Variants in DCDC2C observed in about 807,000 individuals in gnomAD.
DCDC2C encodes the protein doublecortin domain-containing protein 2C.
In DCDC2C, 44 loss-of-function variants were observed where a neutral mutation model predicts 45.0. The observed-to-expected ratio is 0.98, with a 90% CI of 0.77 to 1.26. DCDC2C has a LOEUF of 1.26. Among genes scored for constraint, DCDC2C ranks in the 50% most tolerant of loss-of-function variants. DCDC2C has a pLI of 0.00. For missense variants in DCDC2C, 447 were observed against 468.9 expected (o/e 0.95, Z 0.43); for synonymous variants, 187 against 178.8 (o/e 1.05, Z -0.37).
At chr2:3,782,967 A>G (rs146337584) in intron 9 of DCDC2C, among the ~76,000 whole-genome samples, 3 of 152,356 alleles carry the variant, frequency 2.0e-5, no homozygotes, top group Non-Finnish European at 4.4e-5. Context: ...ATGTATCCAC[A>G]GGCCACGTGC....
intron 10 of DCDC2C, among the ~76,000 whole-genome samples, chr2:3,785,918 G>T (rs1670639850): frequency 6.6e-6 from 1 of 152,164 alleles, no homozygotes; most frequent in Non-Finnish European, 1.5e-5. Context: ...TGCCGGATGT[G>T]TGGCTTCGGG....
chr2:3,773,105 A>C (rs1670226653), intron 8 of DCDC2C, among the ~76,000 whole-genome samples: 1 of 152,132 alleles, frequency 6.6e-6, no homozygotes, highest in Admixed American at 6.5e-5. Flanking sequence ...AATAGGACGG[A>C]AGGCTTAGCT....
chr2:3,823,684 G>GT (rs570069732), intron 10 of DCDC2C, among the ~76,000 whole-genome samples: 9 of 151,994 alleles, frequency 5.9e-5, no homozygotes, highest in South Asian at 2.1e-4. Context: ...TGTGTTGATA[G>GT]TTTTTTTTCT....
chr2:3,705,690 A>G (rs1465821665), intron 1 of DCDC2C, among the ~76,000 whole-genome samples: 1 of 152,178 alleles, frequency 6.6e-6, no homozygotes, highest in Non-Finnish European at 1.5e-5. Flanking sequence ...GTGGGGCTGG[A>G]TATTTTCTAA....
chr2:3,758,117 G>T (rs1035133733), intron 6 of DCDC2C, among the ~76,000 whole-genome samples: 14 of 152,226 alleles, frequency 9.2e-5, no homozygotes, highest in South Asian at 4.1e-4. Flanking sequence ...GACAGAGAAG[G>T]GCTGGTCCTG....
intron 3 of DCDC2C, among the ~76,000 whole-genome samples, chr2:3,730,003 C>T (rs1668816129): frequency 6.6e-6 from 1 of 152,186 alleles, no homozygotes; most frequent in East Asian, 1.9e-4. Context: ...AGAACAACCA[C>T]CACCTGTCAT....
At chr2:3,770,950 T>A (rs2148157444) in intron 8 of DCDC2C, among the ~76,000 whole-genome samples, 1 of 152,322 alleles carries the variant, frequency 6.6e-6, no homozygotes, top group East Asian at 1.9e-4. Context: ...AGGAGGGGCT[T>A]CCAGAAAGCG....
chr2:3,817,958 G>T (rs1245788744), intron 10 of DCDC2C, among the ~76,000 whole-genome samples: 1 of 152,178 alleles, frequency 6.6e-6, no homozygotes, highest in Non-Finnish European at 1.5e-5. Context: ...TGTAGAAGGG[G>T]TTGGGGTTTG....
At chr2:3,826,056 G>A (rs1671808267) in intron 10 of DCDC2C, among the ~76,000 whole-genome samples, 1 of 151,874 alleles carries the variant, frequency 6.6e-6, no homozygotes, top group Non-Finnish European at 1.5e-5. Context: ...ACACCACAAA[G>A]AAAAAAGATA....
intron 4 of DCDC2C, among the ~76,000 whole-genome samples, chr2:3,749,763 C>G (rs1171654671): frequency 3.3e-5 from 5 of 152,346 alleles, no homozygotes; most frequent in Middle Eastern, 3.4e-3. Context: ...AAGTCCTGCG[C>G]TGAGCTATCC....
At chr2:3,762,914 G>A (rs928511964) in intron 6 of DCDC2C, among the ~76,000 whole-genome samples, 11 of 152,138 alleles carry the variant, frequency 7.2e-5, no homozygotes, top group African/African-American at 2.4e-4. Context: ...GGAACAGCAA[G>A]CGTGTGTGAG....
intron 3 of DCDC2C, among the ~76,000 whole-genome samples, chr2:3,730,186 C>G (rs1572566761): frequency 6.6e-6 from 1 of 152,116 alleles, no homozygotes; most frequent in African/African-American, 2.4e-5. Flanking sequence ...CACAGTCGCT[C>G]AAGCCTGTAA....
At chr2:3,711,376 G>A (rs1668203889) in intron 2 of DCDC2C, among the ~76,000 whole-genome samples, 1 of 151,888 alleles carries the variant, frequency 6.6e-6, no homozygotes, top group Non-Finnish European at 1.5e-5. Context: ...CAATAGAAAA[G>A]ACATGGAACC....
intron 10 of DCDC2C, among the ~76,000 whole-genome samples, chr2:3,832,443 A>G (rs1671975184): frequency 6.6e-6 from 1 of 152,156 alleles, no homozygotes; most frequent in African/African-American, 2.4e-5. Flanking sequence ...TTCTTCCTTG[A>G]AGCAACCTTT....
intron 10 of DCDC2C, among the ~76,000 whole-genome samples, chr2:3,841,926 C>T (rs1212506259): frequency 6.6e-6 from 1 of 151,858 alleles, no homozygotes; most frequent in Admixed American, 6.6e-5. Context: ...CCATTTTTTC[C>T]ATTCAAAATG....
intron 3 of DCDC2C, among the ~76,000 whole-genome samples, chr2:3,739,845 G>A (rs2148104262): frequency 6.6e-6 from 1 of 152,330 alleles, no homozygotes; most frequent in South Asian, 2.1e-4. Flanking sequence ...AACTCAAAGA[G>A]CAGCCTGTAA....
intron 2 of DCDC2C, among the ~76,000 whole-genome samples, chr2:3,726,752 A>G (rs972700360): frequency 1.2e-4 from 19 of 152,094 alleles, no homozygotes; most frequent in African/African-American, 4.1e-4. Context: ...CGCACCCTGC[A>G]CTTCCCTCCA....
rs752265732 is a variant in DCDC2C, at chr2:3,727,069, C to T, written c.406C>T (p.Arg136Ter). 102 of 1,548,900 alleles carry T rather than the reference C, an allele frequency of 6.6e-5. No homozygotes were observed. The highest frequency in any genetic ancestry group is 1.2e-4 in the East Asian group (5 of 40,892). ...GTGGCAAACATATCATCGTATATCT[C>T]GACATATAAAGTGAGTATAATATTA... Reference protein sequence around the residue: ...SKWQTYHRISRHINVFTNGRL... With the variant: ...SKWQTYHRIS Residue 136 changes from arginine to a stop codon, truncating the protein, a stop_gained, in exon 3 of 11, where the codon CGA (arginine) becomes TGA (stop). Transcript: ENST00000399143. LOFTEE classifies it high-confidence loss of function.
rs528690226 is a variant in DCDC2C at position 3,753,583 on chromosome 2, C to T, written c.683+683C>T. Among the ~76,000 whole-genome samples, 13 of 152,318 alleles carry T rather than the reference C, an allele frequency of 8.5e-5. 1 individual carries two copies. The highest frequency in any genetic ancestry group is 5.8e-4 in the East Asian group (3 of 5,186). On this transcript the variant is annotated intron_variant, in intron 5 of 10. Coordinates refer to ENST00000399143, the MANE Select transcript of DCDC2C (RefSeq NM_001287444.2). ...GTCAAGTTTTCAATGATCATTATCT[C>T]GAGCAAAGAAAAAGAGCTGCCATTT...
Sources: gnomAD v4.1 joint callset for allele counts (sites outside exome capture counted in the v4.1 genomes callset) on GRCh38, gnomAD v4.1.1 for gene constraint, MANE v1.5 for transcripts, NCBI Gene and HGNC (gene_info 2026-07-23, HGNC 2026-07-21) for gene names.